The following PTPRR variants were observed in gnomAD, a reference collection of about 807,000 sequenced individuals.
PTPRR encodes the protein receptor-type tyrosine-protein phosphatase R.
Under a neutral mutation model 77.2 loss-of-function variants are expected in PTPRR, and 38 were observed. The observed-to-expected ratio is 0.49, with a 90% confidence interval of 0.38 to 0.65. The LOEUF (loss-of-function observed/expected upper bound fraction) is 0.65. PTPRR is among the 30% of genes least tolerant of loss of function. The pLI is 0.00. For missense variants in PTPRR, 744 were observed against 799.2 expected (o/e 0.93, Z 0.83); for synonymous variants, 299 against 283.1 (o/e 1.06, Z -0.57).
intron 2 of PTPRR, among the ~76,000 whole-genome samples, chr12:70,828,971 G>T (rs1892164064): frequency 6.6e-6 from 1 of 152,094 alleles, no homozygotes; most frequent in South Asian, 2.1e-4. Context: ...GGGATACAAA[G>T]TCTAATGAGA....
At chr12:70,823,845 T>C (rs1892064286) in intron 2 of PTPRR, among the ~76,000 whole-genome samples, 1 of 152,188 alleles carries the variant, frequency 6.6e-6, no homozygotes, top group South Asian at 2.1e-4. Flanking sequence ...GGGCTGCTCC[T>C]GGGTCTTGTA....
intron 2 of PTPRR, among the ~76,000 whole-genome samples, chr12:70,814,418 C>T (rs368660274): frequency 6.6e-6 from 1 of 152,174 alleles, no homozygotes; most frequent in African/African-American, 2.4e-5. Context: ...TCCCAGAGAG[C>T]CTGGCTGTCT....
At chr12:70,678,477 G>A (rs59105368) in intron 10 of PTPRR, among the ~76,000 whole-genome samples, 2,058 of 152,052 alleles carry the variant, frequency 0.014, 46 homozygotes, top group African/African-American at 0.047. Context: ...CAATTTGTTC[G>A]TGTAGTATTG....
In PTPRR at chr12:70,737,910, C is replaced by T. The variant is rs369743769; in HGVS notation, c.1007+7908G>A. 2.3e-3 allele frequency among the ~76,000 whole-genome samples: 349 copies of T among 152,286 alleles called. 2 individuals carry two copies. Among genetic ancestry groups the T allele is most frequent in the African/African-American group, 8.0e-3 (331 of 41,558 alleles). ...TTAATTCTATTCCCTTCTCTTTACT[C>T]ATATGTCCCAAAAAGAGATCAGTGG... On this transcript the variant is annotated intron_variant, in intron 6 of 13. Transcript: ENST00000283228.
At chr12:70,810,013 A>C (rs530602644) in intron 2 of PTPRR, among the ~76,000 whole-genome samples, 1 of 152,352 alleles carries the variant, frequency 6.6e-6, no homozygotes, top group Non-Finnish European at 1.5e-5. Context: ...ATTTGTTTTC[A>C]TAAGATATCC....
chr12:70,730,038 T>C (rs1408984639), intron 6 of PTPRR, among the ~76,000 whole-genome samples: 1 of 152,202 alleles, frequency 6.6e-6, no homozygotes, highest in Non-Finnish European at 1.5e-5. Context: ...AAGCAAACTA[T>C]TATTGACATT....
chr12:70,695,053 A>G (rs575919854), intron 8 of PTPRR, among the ~76,000 whole-genome samples: 1 of 152,290 alleles, frequency 6.6e-6, no homozygotes, highest in East Asian at 1.9e-4. Flanking sequence ...CTCAGCCAAG[A>G]TAACACTGTC....
At chr12:70,858,068 G>A (rs1444529092) in intron 2 of PTPRR, among the ~76,000 whole-genome samples, 2 of 152,072 alleles carry the variant, frequency 1.3e-5, no homozygotes, top group Non-Finnish European at 2.9e-5. Context: ...TAGATCAGGG[G>A]CACTAGAGAC....
intron 2 of PTPRR, among the ~76,000 whole-genome samples, chr12:70,826,576 C>A (rs1278009809): frequency 6.6e-6 from 1 of 152,166 alleles, no homozygotes; most frequent in Non-Finnish European, 1.5e-5. Flanking sequence ...AGGTTTTCCC[C>A]AAACAGTTCT....
chr12:70,686,202 T>C (rs758234398), intron 8 of PTPRR, among the ~76,000 whole-genome samples: 8 of 151,984 alleles, frequency 5.3e-5, no homozygotes, highest in Non-Finnish European at 1.2e-4. Context: ...GAACATCTTC[T>C]GGGTAAACAC....
chr12:70,771,022 G>T (rs1890960955), intron 2 of PTPRR, among the ~76,000 whole-genome samples: 1 of 131,140 alleles, frequency 7.6e-6, no homozygotes, highest in South Asian at 3.0e-4. Flanking sequence ...GGGGAGGGGG[G>T]AGGTATAGTT....
chr12:70,675,141 A>C (rs1340688036), intron 10 of PTPRR, among the ~76,000 whole-genome samples: 1 of 151,836 alleles, frequency 6.6e-6, no homozygotes, highest in Non-Finnish European at 1.5e-5. Flanking sequence ...ATCTAACTTG[A>C]CTTTTGATTA....
chr12:70,783,288 TG>T, intron 2 of PTPRR, among the ~76,000 whole-genome samples: 1 of 152,104 alleles, frequency 6.6e-6, no homozygotes, highest in Non-Finnish European at 1.5e-5. Flanking sequence ...GAGGAGGCTC[TG>T]GAGAGGGTAG....
chr12:70,814,181 ACT>A (rs1414052242), intron 2 of PTPRR, among the ~76,000 whole-genome samples: 4 of 151,740 alleles, frequency 2.6e-5, no homozygotes, highest in African/African-American at 9.7e-5. Context: ...AAGAGAGAAA[ACT>A]CTTTTTCTCC....
intron 2 of PTPRR, among the ~76,000 whole-genome samples, chr12:70,793,003 C>T (rs1483590059): frequency 6.6e-6 from 1 of 152,086 alleles, no homozygotes; most frequent in Non-Finnish European, 1.5e-5. Flanking sequence ...TTTATTGAGA[C>T]AATGTACCAA....
At chr12:70,908,603 C>T (rs183568308) in intron 1 of PTPRR, among the ~76,000 whole-genome samples, 21 of 152,264 alleles carry the variant, frequency 1.4e-4, no homozygotes, top group African/African-American at 4.8e-4. Context: ...GTCCCTCCCA[C>T]AACAGGTGGG....
intron 6 of PTPRR, among the ~76,000 whole-genome samples, chr12:70,729,330 A>G (rs934069657): frequency 3.7e-4 from 2 of 5,392 alleles, no homozygotes; most frequent in Non-Finnish European, 4.9e-4. Flanking sequence ...CTATCTGTCT[A>G]TCTATCTATC....
intron 2 of PTPRR, among the ~76,000 whole-genome samples, chr12:70,830,499 C>T (rs1196774972): frequency 6.6e-6 from 1 of 152,236 alleles, no homozygotes; most frequent in Admixed American, 6.5e-5. Flanking sequence ...CAATCCACTA[C>T]CGTTTTGTGA....
In PTPRR at chr12:70,639,059, C is replaced by T; in HGVS notation, c.*125G>A. On this transcript the variant is annotated 3_prime_UTR_variant, in exon 14 of 14. Coordinates refer to ENST00000283228, the MANE Select transcript of PTPRR (RefSeq NM_002849.4). ...ATATGTTGCCCAGTCTTCCACAATCCATGCCATACATGGGCTTCAGAGCTT... is the reference window on the plus strand; with the variant it reads ...ATATGTTGCCCAGTCTTCCACAATCTATGCCATACATGGGCTTCAGAGCTT... The T allele has an allele frequency of 1.3e-6, 1 of 759,190 alleles. No individual in the cohort carries two copies. Among genetic ancestry groups the T allele is most frequent in the South Asian group, 1.7e-5 (1 of 59,284 alleles). The allele number at this position is 759,190 out of a possible 1,614,324, so 47.0% of individuals were successfully genotyped here.
Sources: gnomAD v4.1 joint callset for allele counts (sites outside exome capture counted in the v4.1 genomes callset) on GRCh38, gnomAD v4.1.1 for gene constraint, MANE v1.5 for transcripts, NCBI Gene and HGNC (gene_info 2026-07-23, HGNC 2026-07-21) for gene names.